The following RALGDS variants were observed in gnomAD, a reference collection of about 807,000 sequenced individuals.
The protein encoded by RALGDS is ral guanine nucleotide dissociation stimulator.
RALGDS carries 44 observed loss-of-function variants against 99.8 expected under a neutral mutation model. The observed-to-expected ratio is 0.44, with a 90% CI of 0.35 to 0.57. The LOEUF (loss-of-function observed/expected upper bound fraction) is 0.57. RALGDS is among the 20% of genes least tolerant of loss of function. The pLI is 0.01. For missense variants in RALGDS, 1,022 were observed against 1,203.1 expected, an observed-to-expected ratio of 0.85 and a Z score of 2.23; for synonymous variants, 529 against 505.0, an observed-to-expected ratio of 1.05 and a Z score of -0.64.
chr9:133,135,679 G>A (rs1028161290), upstream of RALGDS, among the ~76,000 whole-genome samples: 5 of 152,364 alleles, frequency 3.3e-5, no homozygotes, highest in Middle Eastern at 3.4e-3. Flanking sequence ...GCTGGGTGGA[G>A]CTGGGTGAGC....
chr9:133,112,969 A>T (rs1377482695), intron 1 of RALGDS, among the ~76,000 whole-genome samples: 1 of 152,228 alleles, frequency 6.6e-6, no homozygotes, highest in East Asian at 1.9e-4. Flanking sequence ...CTGGAACAGG[A>T]AGGGGGCATC....
At chr9:133,148,949 C>T in intron 1 of RALGDS, 1 of 1,601,952 alleles carries the variant, frequency 6.2e-7, no homozygotes, top group South Asian at 1.1e-5. Flanking sequence ...AGGCTGGGGA[C>T]GGCGCGCACT....
upstream of RALGDS, among the ~76,000 whole-genome samples, chr9:133,123,363 C>T (rs894000858): frequency 2.0e-5 from 3 of 152,210 alleles, no homozygotes; most frequent in Non-Finnish European, 4.4e-5. Context: ...ACAAGTGACT[C>T]ATGAGGACAT....
intron 1 of RALGDS, among the ~76,000 whole-genome samples, chr9:133,113,881 G>A (rs1224095435): frequency 6.6e-6 from 1 of 152,182 alleles, no homozygotes; most frequent in East Asian, 1.9e-4. Flanking sequence ...GAGATCTCGT[G>A]CAGGACAAGC....
At chr9:133,129,550 C>G in intron 1 of RALGDS, 1 of 954,930 alleles carries the variant, frequency 1.0e-6, no homozygotes, top group Non-Finnish European at 1.4e-6. Flanking sequence ...CTAGCTTTCT[C>G]CCTTAATTCT....
chr9:133,098,439 T>C lies in RALGDS; in HGVS notation c.*148A>G. On this transcript the variant is annotated 3_prime_UTR_variant, in exon 18 of 18. Coordinates refer to ENST00000372050, the MANE Select transcript of RALGDS (RefSeq NM_006266.4). The stretch of plus-strand genomic sequence containing the variant: ...AGGTCAGCCTGACCAATGGCAGGCG[T>C]CAATCCCAGCAGCGGGAGAGGTTCA... The C allele has an allele frequency of 1.2e-6, 1 of 843,652 alleles. No individual in the cohort carries two copies. Among genetic ancestry groups the C allele is most frequent in the South Asian group, 1.6e-5 (1 of 63,524 alleles). 52.3% of individuals were successfully genotyped at this position (843,652 alleles called of 1,614,324 possible). A position where few individuals can be genotyped will look rare whatever the true frequency, so the allele number is the denominator to read the frequency against.
intron 1 of RALGDS, among the ~76,000 whole-genome samples, chr9:133,115,936 T>C (rs1464858088): frequency 1.3e-5 from 2 of 152,270 alleles, no homozygotes; most frequent in East Asian, 3.8e-4. Flanking sequence ...GCTCGCTCTC[T>C]ACAGAGCCCA....
Position 133,114,066 on chromosome 9 carries a change from C to G in RALGDS, c.184-1914G>C, listed in dbSNP as rs565683063. The stretch of plus-strand genomic sequence containing the variant: ...GAGCAGGTCTAGAGAGCGGCTCCTC[C>G]GTGAGCTGGCAGGCCAGCAGCTGGC... On this transcript the variant is annotated intron_variant, in intron 1 of 17. Transcript: ENST00000372050. Among the ~76,000 whole-genome samples, 13 of 152,336 alleles carry G rather than the reference C, an allele frequency of 8.5e-5. No homozygotes were observed. In the East Asian group the frequency reaches 2.5e-3, roughly 29 times the overall value.
chr9:133,105,986 T>C lies in RALGDS; in HGVS notation c.1548A>G (p.Ser516=). 1 of 1,607,290 alleles carries C rather than the reference T, an allele frequency of 6.2e-7. No individual in the cohort carries two copies. Among genetic ancestry groups the C allele is most frequent in the South Asian group, 1.1e-5 (1 of 90,906 alleles). The change falls in exon 9 of 18, where the codon TCA becomes TCG. Residue 516 remains serine (S), a synonymous_variant. Coordinates refer to ENST00000372050, the MANE Select transcript of RALGDS (RefSeq NM_006266.4). The stretch of plus-strand genomic sequence containing the variant: ...AGTTGTTCTCATCTGAGAAGATCTC[T>C]GACAGCTTCTGAAAGATCCGGAAAC... ...RDSFRIFQKL[S]EIFSDENNYS...
At chr9:133,143,777 CAACAACAACAATAATAATAAT>C (rs1371872630) in intron 1 of RALGDS, among the ~76,000 whole-genome samples, 121 of 114,502 alleles carry the variant, frequency 1.1e-3, no homozygotes, top group African/African-American at 4.7e-3. Flanking sequence ...ATAATAACAA[CAACAACAACAATAATAATAAT>C]AATAATAATA....
chr9:133,107,063 C>A, intron 7 of RALGDS, 22 bp downstream of exon 7: 4 of 1,612,438 alleles, frequency 2.5e-6, no homozygotes, highest in Non-Finnish European at 3.4e-6. Context: ...AAGTGGGGGC[C>A]CAGGCCCCTC....
chr9:133,143,520 C>T (rs115668969), intron 1 of RALGDS, among the ~76,000 whole-genome samples: 4,990 of 151,932 alleles, frequency 0.033, 255 homozygotes, highest in African/African-American at 0.11. Context: ...TTTGGGAGGC[C>T]GAGGCGGGGG....
At position 133,140,587 on chromosome 9, in the gene RALGDS, C is replaced by T. The variant is rs539585334; in HGVS notation, c.18+8376G>A. The stretch of plus-strand genomic sequence containing the variant: ...TCCAGCAGGCAGTGGGTCCCGGCCC[C>T]CCTTATCCTTCCCAGAAGGACTGGG... On this transcript the variant is annotated intron_variant, in intron 1 of 17. Transcript: ENST00000393160. Among the ~76,000 whole-genome samples the T allele has an allele frequency of 1.5e-3, 221 of 152,234 alleles. 1 individual carries two copies. The highest frequency in any genetic ancestry group is 5.1e-3 in the African/African-American group (210 of 41,558).
chr9:133,100,045 G>A, intron 17 of RALGDS: 1 of 612,270 alleles, frequency 1.6e-6, no homozygotes, highest in Non-Finnish European at 2.9e-6. Flanking sequence ...ACTGATGTGA[G>A]CTTTGAACTG....
chr9:133,108,806 A>G lies in RALGDS; in HGVS notation c.645T>C (p.Pro215=). ...LDQYSEDFCQ[P]PDFPCLKQLV... ...GCTGCTTGAGGCAGGGAAAGTCCGG[A>G]GGTTGACAGAAATCCTCCGAGTACT... The change falls in exon 5 of 18, where the codon CCT becomes CCC. Residue 215 remains proline, a synonymous_variant. Coordinates refer to ENST00000372050, the MANE Select transcript of RALGDS (RefSeq NM_006266.4). The G allele has an allele frequency of 6.2e-7, 1 of 1,613,338 alleles. No homozygotes were observed. Among genetic ancestry groups the G allele is most frequent in the South Asian group, 1.1e-5 (1 of 91,080 alleles).
Position 133,110,299 on chromosome 9 carries a change from T to C in RALGDS, c.485A>G (p.Lys162Arg). Residue 162 changes from lysine to arginine, a missense_variant, in exon 3 of 18, where the codon AAA (lysine) becomes AGA (arginine). By Grantham distance (26) the Lys-to-Arg change is conservative. Transcript: ENST00000372050. ...GCAGTGGAGGGCTCATGCTCACCTT[T>C]TGAACAGCAGGTCCAGGACCTGTTG... ...TTQQVLDLLF[K>R]RYGRCDALTA... 6.2e-7 allele frequency: 1 copy of C among 1,613,250 alleles called. No individual in the cohort carries two copies. Among genetic ancestry groups the C allele is most frequent in the Non-Finnish European group, 8.5e-7 (1 of 1,179,512 alleles).
chr9:133,121,267 T>A, upstream of RALGDS: 1 of 976,130 alleles, frequency 1.0e-6, no homozygotes, highest in Non-Finnish European at 1.2e-6. Context: ...GCCCTGCTGA[T>A]GTCAGGCTGG....
chr9:133,132,011 C>T (rs1832342705), upstream of RALGDS, among the ~76,000 whole-genome samples: 1 of 152,212 alleles, frequency 6.6e-6, no homozygotes, highest in African/African-American at 2.4e-5. Flanking sequence ...ACATAACAGA[C>T]ATTTGATCAA....
chr9:133,143,132 G>A (rs1832552062), intron 1 of RALGDS, among the ~76,000 whole-genome samples: 2 of 152,230 alleles, frequency 1.3e-5, no homozygotes, highest in African/African-American at 4.8e-5. Flanking sequence ...GAAGGACTCT[G>A]TGGAGAATAG....
Sources: gnomAD v4.1 joint callset for allele counts (sites outside exome capture counted in the v4.1 genomes callset) on GRCh38, gnomAD v4.1.1 for gene constraint, MANE v1.5 for transcripts, NCBI Gene and HGNC (gene_info 2026-07-23, HGNC 2026-07-21) for gene names.